The following REXO5 variants were observed in gnomAD, a reference collection of about 807,000 sequenced individuals.
REXO5 encodes the protein RNA exonuclease 5, also known as exonuclease NEF-sp.
Under a neutral mutation model 88.5 loss-of-function variants are expected in REXO5, and 48 were observed. That is an observed-to-expected ratio of 0.54 (90% CI 0.43 to 0.69). The LOEUF is 0.69. Ranked by LOEUF, REXO5 falls within the 30% of genes least tolerant of loss-of-function variation. REXO5 has a pLI of 0.00. For synonymous variants in REXO5, 311 were observed against 336.5 expected, an observed-to-expected ratio of 0.92 and a Z score of 0.83; for missense variants, 749 against 912.2, an observed-to-expected ratio of 0.82 and a Z score of 2.30.
At chr16:20,822,183 A>G (rs987972430) in intron 6 of REXO5, among the ~76,000 whole-genome samples, 5 of 152,128 alleles carry the variant, frequency 3.3e-5, no homozygotes, top group Non-Finnish European at 7.4e-5. Context: ...CTTTTCATTC[A>G]GTTTTCTTTC....
At chr16:20,835,186 T>C (rs1164748620) in intron 13 of REXO5, among the ~76,000 whole-genome samples, 1 of 151,744 alleles carries the variant, frequency 6.6e-6, no homozygotes, top group Non-Finnish European at 1.5e-5. Flanking sequence ...CTTTTCTTTC[T>C]TATGTTGCCT....
intron 13 of REXO5, among the ~76,000 whole-genome samples, chr16:20,837,276 C>CT (rs1304568771): frequency 6.6e-6 from 1 of 152,102 alleles, no homozygotes; most frequent in Non-Finnish European, 1.5e-5. Context: ...TGTTTAAAGT[C>CT]TAATTGTTTT....
chr16:20,838,822 CT>C (rs906977810), intron 13 of REXO5, among the ~76,000 whole-genome samples: 1 of 152,000 alleles, frequency 6.6e-6, no homozygotes. Flanking sequence ...ATGGTCCCCT[CT>C]TTTTTTTCCA....
At chr16:20,815,902 A>G (rs1262989521) in intron 4 of REXO5, among the ~76,000 whole-genome samples, 3 of 152,198 alleles carry the variant, frequency 2.0e-5, no homozygotes, top group East Asian at 1.9e-4. Flanking sequence ...AAGTTTGTCT[A>G]TTTTACAATA....
chr16:20,833,330 C>T (rs111309156), intron 13 of REXO5, among the ~76,000 whole-genome samples: 1 of 152,302 alleles, frequency 6.6e-6, no homozygotes, highest in East Asian at 1.9e-4. Flanking sequence ...CAGAGCCCAG[C>T]AGGCCTCTGG....
intron 5 of REXO5, among the ~76,000 whole-genome samples, chr16:20,817,308 C>T (rs1413642902): frequency 6.6e-6 from 1 of 152,158 alleles, no homozygotes; most frequent in Non-Finnish European, 1.5e-5. Context: ...ATTTGATTTG[C>T]ACTGTATTTT....
chr16:20,845,059 A>G lies in REXO5; in HGVS notation c.1942A>G (p.Lys648Glu). The G allele has an allele frequency of 1.9e-6, 3 of 1,612,338 alleles. No individual in the cohort carries two copies. The highest frequency in any genetic ancestry group is 1.7e-6 in the Non-Finnish European group (2 of 1,178,964). ...KQKKYCFLKF[K>E]SFGSAQQALN... Reference sequence around the variant, plus strand: ...GTGGGGGTTCTTGCTTTCAGAATTCAAAAGTTTTGGCAGTGCCCAGCAGGC... The same window carrying G: ...GTGGGGGTTCTTGCTTTCAGAATTCGAAAGTTTTGGCAGTGCCCAGCAGGC... Residue 648 changes from lysine to glutamate, a missense_variant, in exon 18 of 20, where the codon AAA becomes GAA. Transcript: ENST00000261377.
intron 1 of REXO5, 66 bp from the exon 2 acceptor site, chr16:20,806,886 G>C (rs2080887945): frequency 1.4e-5 from 22 of 1,524,114 alleles, no homozygotes; most frequent in Non-Finnish European, 1.9e-5. Flanking sequence ...TCTCCCGCTA[G>C]GAGGCGGCAC....
At chr16:20,836,269 G>A (rs1228452657) in intron 13 of REXO5, among the ~76,000 whole-genome samples, 6 of 151,894 alleles carry the variant, frequency 4.0e-5, no homozygotes, top group Admixed American at 3.9e-4. Context: ...TAGTTTCATT[G>A]GCCTAAAAAT....
chr16:20,821,380 G>A (rs764270126), intron 5 of REXO5, among the ~76,000 whole-genome samples: 2 of 152,080 alleles, frequency 1.3e-5, no homozygotes, highest in Admixed American at 6.6e-5. Flanking sequence ...TCTGCCTCTC[G>A]GGTTCACGCC....
chr16:20,845,790 T>C (rs538421633), intron 18 of REXO5, among the ~76,000 whole-genome samples: 198 of 150,450 alleles, frequency 1.3e-3, no homozygotes, highest in Non-Finnish European at 2.0e-3. Context: ...AGCAGAAGAG[T>C]GGAGGTAGAA....
chr16:20,835,948 G>A (rs1248270941), intron 13 of REXO5, among the ~76,000 whole-genome samples: 1 of 152,082 alleles, frequency 6.6e-6, no homozygotes, highest in Non-Finnish European at 1.5e-5. Flanking sequence ...GCTGAGATGG[G>A]AGGATTGCTT....
intron 13 of REXO5, among the ~76,000 whole-genome samples, chr16:20,838,294 A>G (rs1483150040): frequency 6.6e-6 from 1 of 152,038 alleles, no homozygotes; most frequent in Non-Finnish European, 1.5e-5. Context: ...AAAATTTACC[A>G]TCTTAACTGT....
intron 19 of REXO5, among the ~76,000 whole-genome samples, chr16:20,847,797 G>A (rs759052105): frequency 1.3e-5 from 2 of 152,138 alleles, no homozygotes; most frequent in African/African-American, 4.8e-5. Context: ...TGCTCCTCAG[G>A]GGCAGTGTAT....
chr16:20,807,234 A>G, intron 2 of REXO5, 143 bp downstream of exon 2: 2 of 905,264 alleles, frequency 2.2e-6, no homozygotes, highest in Non-Finnish European at 1.7e-6. Context: ...TTAAAATGGG[A>G]ATGAGTGTAA....
intron 5 of REXO5, among the ~76,000 whole-genome samples, chr16:20,819,770 A>T (rs1038253570): frequency 1.3e-5 from 2 of 151,454 alleles, no homozygotes; most frequent in East Asian, 3.9e-4. Context: ...AAAAAAAAAA[A>T]ATTTAGAGTC....
intron 16 of REXO5, 66 bp from the exon 17 acceptor site, chr16:20,844,563 C>A: frequency 1.4e-6 from 2 of 1,383,894 alleles, no homozygotes; most frequent in Non-Finnish European, 2.0e-6. Context: ...CAACAACTTG[C>A]TAGTATCCAA....
chr16:20,829,181 T>A (rs1457545087), intron 11 of REXO5, among the ~76,000 whole-genome samples: 3 of 152,186 alleles, frequency 2.0e-5, no homozygotes, highest in Non-Finnish European at 4.4e-5. Context: ...ATCTATAATA[T>A]GGGAATACAC....
At chr16:20,832,393 A>C in intron 12 of REXO5, 134 bp downstream of exon 12, 4 of 529,604 alleles carry the variant, frequency 7.6e-6, no homozygotes, top group Non-Finnish European at 1.3e-5. Context: ...AACATCTATC[A>C]CAAAAACCAC....
Sources: allele counts gnomAD v4.1 joint callset (sites outside exome capture counted in the v4.1 genomes callset), GRCh38; gene constraint gnomAD v4.1.1; transcripts MANE v1.5; gene names NCBI Gene and HGNC (gene_info 2026-07-23, HGNC 2026-07-21).